Variants in MAGI1 observed in about 807,000 individuals in gnomAD.
The protein encoded by MAGI1 is membrane-associated guanylate kinase, WW and PDZ domain-containing protein 1.
MAGI1 carries 58 observed loss-of-function variants against 139.9 expected under a neutral mutation model. The observed-to-expected ratio is 0.41, with a 90% CI of 0.34 to 0.52. The LOEUF (loss-of-function observed/expected upper bound fraction) is 0.52, where lower values mean the gene tolerates loss of function less well. Ranked by LOEUF, MAGI1 falls within the 20% of genes least tolerant of loss-of-function variation. The pLI is 0.12. For missense variants in MAGI1, 1,874 were observed against 1,901.6 expected, an observed-to-expected ratio of 0.99 and a Z score of 0.27; for synonymous variants, 812 against 737.9, an observed-to-expected ratio of 1.10 and a Z score of -1.63.
intron 1 of MAGI1, among the ~76,000 whole-genome samples, chr3:65,756,654 C>T (rs1287378354): frequency 1.3e-5 from 2 of 152,126 alleles, no homozygotes; most frequent in African/African-American, 4.8e-5. Flanking sequence ...CTCTGAAGTG[C>T]ATTATGGTGC....
At chr3:65,653,083 AT>A (rs777957788) in intron 1 of MAGI1, among the ~76,000 whole-genome samples, 4 of 152,326 alleles carry the variant, frequency 2.6e-5, no homozygotes, top group Admixed American at 1.3e-4. Flanking sequence ...GAAAACTTGT[AT>A]ACTTTTTTTT....
chr3:66,031,349 G>A (rs1434350365), intron 1 of MAGI1, among the ~76,000 whole-genome samples: 4 of 152,174 alleles, frequency 2.6e-5, no homozygotes, highest in African/African-American at 9.7e-5. Flanking sequence ...AACCCTTGTG[G>A]TAAGGAGATG....
rs371334183 is a variant in MAGI1, at chr3:65,356,857, G to C, written c.3910C>G (p.Arg1304Gly). 6.8e-6 allele frequency: 11 copies of C among 1,613,902 alleles called. No individual in the cohort carries two copies. Among genetic ancestry groups the C allele is most frequent in the Non-Finnish European group, 9.3e-6 (11 of 1,179,930 alleles). The change falls in exon 23 of 23, where the codon CGG (arginine) becomes GGG (glycine). Residue 1304 changes from arginine (R) to glycine (G), a missense_variant. Physicochemically the swap from Arg to Gly is moderately radical, Grantham distance 125. Transcript: ENST00000402939. ...GCGCGCTCGGCCTGCGCGTCCCTCCGTCCCTCCGGCGCCCGGTCCTTGGGT... is the reference window on the plus strand; with the variant it reads ...GCGCGCTCGGCCTGCGCGTCCCTCCCTCCCTCCGGCGCCCGGTCCTTGGGT... Reference protein sequence around the residue: ...CRPKDRAPEGRRDAQAERAAA... With the variant: ...CRPKDRAPEGGRDAQAERAAA...
At chr3:65,624,278 C>G (rs6445490) in intron 1 of MAGI1, among the ~76,000 whole-genome samples, 111,448 of 151,590 alleles carry the variant, frequency 0.74, 41,512 homozygotes, top group African/African-American at 0.78. Context: ...ATTTACATGA[C>G]AGAAATGAAA....
At chr3:65,678,747 G>A (rs1039110898) in intron 1 of MAGI1, among the ~76,000 whole-genome samples, 2 of 152,098 alleles carry the variant, frequency 1.3e-5, no homozygotes, top group African/African-American at 4.8e-5. Flanking sequence ...TCAGCCTGTT[G>A]TGTTCACGCT....
At position 65,404,979 on chromosome 3, in the gene MAGI1, G is replaced by A. The variant is rs545963745; in HGVS notation, c.2168-3509C>T. On this transcript the variant is annotated intron_variant, in intron 12 of 22. Transcript: ENST00000402939. ...TATAAGGCATACATATAAGGCATAC[G>A]GCACCTGTCTTAATGGGCTTGTCTG... Among the ~76,000 whole-genome samples, 119 of 152,230 alleles carry A rather than the reference G, an allele frequency of 7.8e-4. 1 individual carries two copies. The highest frequency in any genetic ancestry group is 3.4e-3 in the Middle Eastern group (1 of 292).
intron 17 of MAGI1, among the ~76,000 whole-genome samples, chr3:65,377,797 C>T (rs1007478138): frequency 1.2e-4 from 18 of 152,288 alleles, no homozygotes; most frequent in Middle Eastern, 3.4e-3. Context: ...TAGTAATAGG[C>T]GTTTGTTACT....
intron 10 of MAGI1, among the ~76,000 whole-genome samples, chr3:65,431,564 A>G (rs7653206): frequency 0.02 from 3,084 of 152,234 alleles, 114 homozygotes; most frequent in African/African-American, 0.071. Flanking sequence ...AGTTTAGGAT[A>G]TTTGTTTAAA....
intron 1 of MAGI1, among the ~76,000 whole-genome samples, chr3:65,991,996 C>T (rs2107365230): frequency 6.6e-6 from 1 of 152,054 alleles, no homozygotes; most frequent in Non-Finnish European, 1.5e-5. Flanking sequence ...GCCTGGGTGA[C>T]AAGAGCAGAA....
intron 1 of MAGI1, among the ~76,000 whole-genome samples, chr3:66,010,154 C>T (rs998706296): frequency 6.8e-6 from 1 of 147,858 alleles, no homozygotes; most frequent in Admixed American, 6.8e-5. Flanking sequence ...ATAGAAAATG[C>T]TTAGCCACAA....
chr3:65,700,931 C>G (rs9819765), intron 1 of MAGI1, among the ~76,000 whole-genome samples: 2,114 of 152,260 alleles, frequency 0.014, 47 homozygotes, highest in African/African-American at 0.048. Flanking sequence ...CTTACACCCA[C>G]CAATCCTTTA....
At position 65,612,059 on chromosome 3, in the gene MAGI1, C is replaced by T. The variant is rs557657503; in HGVS notation, c.430+9913G>A. Among the ~76,000 whole-genome samples, 453 of 152,094 alleles carry T rather than the reference C, an allele frequency of 3.0e-3. 1 individual carries two copies. Among genetic ancestry groups the T allele is most frequent in the African/African-American group, 0.01 (433 of 41,506 alleles). The stretch of plus-strand genomic sequence containing the variant: ...TAGTCTCTCTATACTTTAATGAACA[C>T]GATCTATCAACATAGTAACAAAATC... On this transcript the variant is annotated intron_variant, in intron 2 of 22. Coordinates refer to ENST00000402939, the MANE Select transcript of MAGI1 (RefSeq NM_001033057.2).
intron 1 of MAGI1, among the ~76,000 whole-genome samples, chr3:65,869,271 AC>A (rs1456298877): frequency 3.4e-5 from 5 of 148,008 alleles, no homozygotes; most frequent in Non-Finnish European, 5.9e-5. Context: ...AAAAAAAAAA[AC>A]AACAACTAAT....
At chr3:65,960,881 T>C (rs1395750711) in intron 1 of MAGI1, among the ~76,000 whole-genome samples, 4 of 152,202 alleles carry the variant, frequency 2.6e-5, no homozygotes, top group East Asian at 3.9e-4. Context: ...CCCAGTTAAA[T>C]AGATTCCTTC....
chr3:65,622,509 G>A (rs926111348), intron 1 of MAGI1, among the ~76,000 whole-genome samples: 1 of 152,070 alleles, frequency 6.6e-6, no homozygotes, highest in African/African-American at 2.4e-5. Context: ...TTACTCTACA[G>A]GTATACTTGT....
intron 1 of MAGI1, among the ~76,000 whole-genome samples, chr3:65,846,497 G>C (rs1012207680): frequency 2.6e-5 from 4 of 152,170 alleles, no homozygotes; most frequent in Non-Finnish European, 4.4e-5. Flanking sequence ...CTTCCAGAGT[G>C]TTATAGTTAA....
intron 1 of MAGI1, chr3:65,874,944 G>A (rs916513957): frequency 6.6e-6 from 1 of 152,648 alleles, no homozygotes; most frequent in Non-Finnish European, 1.5e-5. Flanking sequence ...AAAGCCAGGT[G>A]TGGTAGCTCA....
chr3:65,776,723 C>T (rs1051367459), intron 1 of MAGI1, among the ~76,000 whole-genome samples: 15 of 152,252 alleles, frequency 9.9e-5, no homozygotes, highest in African/African-American at 2.6e-4. Context: ...AGAATAACCA[C>T]GAATTTAATG....
intron 2 of MAGI1, among the ~76,000 whole-genome samples, chr3:65,541,425 G>A (rs1025268361): frequency 6.6e-6 from 1 of 152,128 alleles, no homozygotes; most frequent in South Asian, 2.1e-4. Flanking sequence ...ATTTTATGAG[G>A]CCAGCATCAT....
Sources: allele counts gnomAD v4.1 joint callset (sites outside exome capture counted in the v4.1 genomes callset), GRCh38; gene constraint gnomAD v4.1.1; transcripts MANE v1.5; gene names NCBI Gene and HGNC (gene_info 2026-07-23, HGNC 2026-07-21).